Variants in TLE2 observed in about 807,000 individuals in gnomAD.
The protein encoded by TLE2 is TLE family member 2, transcriptional corepressor.
In TLE2, 74 loss-of-function variants were observed where a neutral mutation model predicts 97.2. The observed-to-expected ratio is 0.76, with a 90% confidence interval of 0.63 to 0.92. TLE2 has a LOEUF of 0.92. Ranked by LOEUF, TLE2 falls within the 40% of genes least tolerant of loss-of-function variation. TLE2 has a pLI of 0.00. For missense variants in TLE2, 1,038 were observed against 1,008.7 expected, an observed-to-expected ratio of 1.03 and a Z score of -0.39; for synonymous variants, 499 against 432.1, an observed-to-expected ratio of 1.15 and a Z score of -1.92.
Position 3,029,096 on chromosome 19 carries a change from C to A in TLE2, c.-192G>T. 8.0e-7 allele frequency: 1 copy of A among 1,247,824 alleles called. No homozygotes were observed. The highest frequency in any genetic ancestry group is 1.0e-6 in the Non-Finnish European group (1 of 993,380). The allele number at this position is 1,247,824 out of a possible 1,614,324, so 77.3% of individuals were successfully genotyped here. ...GCGCGCGCGCCCGGGGTCGTGGGAG[C>A]CCCTCCCCGGGTTGGGGTGCGCGGG... On this transcript the variant is annotated 5_prime_UTR_variant, in exon 1 of 20. Transcript: ENST00000262953.
At chr19:2,998,780 C>T (rs967657805) in intron 19 of TLE2, among the ~76,000 whole-genome samples, 1 of 152,154 alleles carries the variant, frequency 6.6e-6, no homozygotes, top group African/African-American at 2.4e-5. Context: ...GGCCTCCATT[C>T]CCTCAATACC....
chr19:3,026,096 T>C (rs1468150686), intron 4 of TLE2, among the ~76,000 whole-genome samples: 5 of 152,202 alleles, frequency 3.3e-5, no homozygotes, highest in East Asian at 3.9e-4. Flanking sequence ...TAGAAACCAC[T>C]GGCCAGTCTC....
At chr19:3,042,017 C>A (rs1005042331) in intron 1 of TLE2, among the ~76,000 whole-genome samples, 7 of 151,824 alleles carry the variant, frequency 4.6e-5, no homozygotes, top group Admixed American at 3.9e-4. Flanking sequence ...ATTAGCCACG[C>A]GGGCCCGGCC....
At chr19:3,018,623 T>A (rs1032107249) in intron 7 of TLE2, among the ~76,000 whole-genome samples, 4 of 149,424 alleles carry the variant, frequency 2.7e-5, no homozygotes, top group Non-Finnish European at 3.0e-5. Context: ...TTATTTATTT[T>A]AATTTTTTTG....
chr19:3,021,595 T>C (rs995397035), intron 5 of TLE2, among the ~76,000 whole-genome samples: 5 of 152,094 alleles, frequency 3.3e-5, no homozygotes, highest in Non-Finnish European at 2.9e-5. Context: ...TTATTTTTAC[T>C]TTTTTGAGAC....
upstream of TLE2, among the ~76,000 whole-genome samples, chr19:3,029,848 G>A (rs138948303): frequency 2.0e-5 from 3 of 152,156 alleles, no homozygotes; most frequent in African/African-American, 7.2e-5. Flanking sequence ...CCAGGCTGGA[G>A]TACAGTGGGG....
chr19:3,000,826 T>TA, intron 18 of TLE2, 103 bp from the exon 19 acceptor site: 2 of 485,522 alleles, frequency 4.1e-6, no homozygotes, highest in Non-Finnish European at 6.9e-6. Flanking sequence ...GCCTCTCCCT[T>TA]TTTTTTTTTT....
chr19:3,027,935 G>A, intron 3 of TLE2, 62 bp from the exon 4 acceptor site: 2 of 1,513,706 alleles, frequency 1.3e-6, no homozygotes, highest in Non-Finnish European at 1.8e-6. Flanking sequence ...CTCCAGATAG[G>A]TGATGCCAGG....
upstream of TLE2, chr19:3,029,565 G>T (rs1014949465): frequency 5.1e-5 from 38 of 742,438 alleles, 3 homozygotes; most frequent in Admixed American, 1.3e-4. Flanking sequence ...GAGCGGGGGG[G>T]GGGGCTTGCG....
chr19:2,998,060 G>C, intron 19 of TLE2, 105 bp from the exon 20 acceptor site: 1 of 723,448 alleles, frequency 1.4e-6, no homozygotes, highest in Non-Finnish European at 2.4e-6. Flanking sequence ...GTCAGGACTC[G>C]CCTACAGAGT....
chr19:3,033,570 T>C (rs769283325), upstream of TLE2, among the ~76,000 whole-genome samples: 9 of 152,166 alleles, frequency 5.9e-5, no homozygotes, highest in Non-Finnish European at 8.8e-5. Context: ...AGTGCTAGGA[T>C]TACAGGTGTG....
intron 12 of TLE2, among the ~76,000 whole-genome samples, chr19:3,010,797 G>A (rs1427749382): frequency 6.6e-6 from 1 of 151,998 alleles, no homozygotes; most frequent in Non-Finnish European, 1.5e-5. Context: ...TGAAACCCCC[G>A]ACTAAGCCGC....
At position 3,005,476 on chromosome 19, in the gene TLE2, C is replaced by T. The variant is rs61735274; in HGVS notation, c.1857G>A (p.Arg619=). ...LDNTVRCWDL[R]EGRQLQQHDF... is the part of the protein sequence containing the mutation. ...CATGCTGCTGCAGCTGGCGGCCCTCCCGCAGGTCCCAGCAGCGCACCGTGT... is the reference window on the plus strand; with the variant it reads ...CATGCTGCTGCAGCTGGCGGCCCTCTCGCAGGTCCCAGCAGCGCACCGTGT... Residue 619 remains arginine, a synonymous_variant, in exon 17 of 20, where the codon CGG becomes CGA. Coordinates refer to ENST00000262953, the MANE Select transcript of TLE2 (RefSeq NM_003260.5). 45,826 of 1,613,832 alleles carry T rather than the reference C, an allele frequency of 0.028. 811 individuals carry two copies. Among genetic ancestry groups the T allele is most frequent in the Non-Finnish European group, 0.031 (36,153 of 1,179,840 alleles).
intron 5 of TLE2, among the ~76,000 whole-genome samples, chr19:3,021,926 T>C (rs60883500): frequency 0.051 from 7,702 of 152,072 alleles, 259 homozygotes; most frequent in South Asian, 0.092. Flanking sequence ...AGATTTCAGG[T>C]CGGGCGCAGT....
upstream of TLE2, among the ~76,000 whole-genome samples, chr19:3,032,230 C>A (rs2090031005): frequency 6.6e-6 from 1 of 150,814 alleles, no homozygotes; most frequent in Non-Finnish European, 1.5e-5. This position sits in a 1 kb window ranked among gnomAD's most constrained non-coding sequence, Gnocchi z 4.1. Context: ...CCATGCCTGG[C>A]CTTCGGTTTT....
intron 19 of TLE2, 109 bp downstream of exon 19, chr19:3,000,538 G>A: frequency 1.0e-6 from 1 of 969,882 alleles, no homozygotes. Flanking sequence ...GGAGGGGTTA[G>A]GGTGGCGGGG....
rs2089485873 is a variant in TLE2 at position 3,006,651 on chromosome 19, C to T, written c.1269G>A (p.Val423=). The T allele has an allele frequency of 6.2e-7, 1 of 1,605,092 alleles. No homozygotes were observed. The highest frequency in any genetic ancestry group is 8.5e-7 in the Non-Finnish European group (1 of 1,175,316). ...PGGKPAYSFH[V]SADGQMQPVP... ...CCGGCTGCATCTGCCCGTCCGCAGA[C>T]ACGTGGAAGGAGTAGGCCCTGGAGA... is the stretch of plus-strand genomic sequence containing the variant. The change falls in exon 15 of 20, where the codon GTG becomes GTA. Residue 423 remains valine, a synonymous_variant. Coordinates refer to ENST00000262953, the MANE Select transcript of TLE2 (RefSeq NM_003260.5).
At chr19:3,035,823 GCCCCCCT>G (rs977854176) in intron 1 of TLE2, among the ~76,000 whole-genome samples, 2 of 152,144 alleles carry the variant, frequency 1.3e-5, no homozygotes, top group Admixed American at 1.3e-4. Context: ...GGCGAGTGTG[GCCCCCCT>G]CCCTAGGAGA....
At chr19:3,045,468 T>C (rs1211503930) in intron 1 of TLE2, among the ~76,000 whole-genome samples, 2 of 152,182 alleles carry the variant, frequency 1.3e-5, no homozygotes, top group Non-Finnish European at 2.9e-5. Context: ...TTTCAAGTCC[T>C]TCCTCCTCCC....
Sources: gnomAD v4.1 joint callset for allele counts (sites outside exome capture counted in the v4.1 genomes callset) on GRCh38, gnomAD v4.1.1 for gene constraint, Gnocchi (gnomAD v3.1) non-coding constraint, MANE v1.5 for transcripts, NCBI Gene and HGNC (gene_info 2026-07-23, HGNC 2026-07-21) for gene names.